SPECC1: variants seen among roughly 807,000 people sequenced by gnomAD.
SPECC1 encodes sperm antigen with calponin homology and coiled-coil domains 1.
Under a neutral mutation model 104.1 loss-of-function variants are expected in SPECC1, and 62 were observed. That is an observed-to-expected ratio of 0.60 (90% confidence interval 0.49 to 0.74). The LOEUF (loss-of-function observed/expected upper bound fraction) is 0.74. SPECC1 is among the 30% of genes least tolerant of loss of function. The pLI is 0.00. For missense variants in SPECC1, 1,306 were observed against 1,310.5 expected (o/e 1.00, Z 0.05); for synonymous variants, 513 against 501.6 (o/e 1.02, Z -0.30).
Position 20,205,879 on chromosome 17 carries a change from T to C in SPECC1, c.1830T>C (p.Gly610=). The part of the protein sequence containing the change: ...ELRQELLKAN[G]EIKHVSSLLA... The stretch of plus-strand genomic sequence containing the variant: ...GACAAGAATTACTAAAGGCAAACGG[T>C]GAAATTAAACATGTTTCCAGTCTGC... Residue 610 remains glycine, a synonymous_variant, in exon 4 of 15, where the codon GGT becomes GGC. Coordinates refer to ENST00000395527, the MANE Select transcript of SPECC1 (RefSeq NM_001243439.2). The C allele has an allele frequency of 2.5e-6, 4 of 1,612,896 alleles. No homozygotes were observed. Among genetic ancestry groups the C allele is most frequent in the Non-Finnish European group, 3.4e-6 (4 of 1,179,836 alleles).
intron 3 of SPECC1, among the ~76,000 whole-genome samples, chr17:20,140,958 T>C (rs1186033369): frequency 6.6e-6 from 1 of 152,202 alleles, no homozygotes; most frequent in African/African-American, 2.4e-5. Context: ...CGTTGGTGCC[T>C]TGACTGTGAC....
intron 3 of SPECC1, among the ~76,000 whole-genome samples, chr17:20,130,888 G>T (rs1000668008): frequency 3.3e-5 from 5 of 151,992 alleles, no homozygotes; most frequent in African/African-American, 1.2e-4. Flanking sequence ...TTAGATCTTT[G>T]ATTTCTTTCA....
chr17:20,251,391 ATACT>A (rs577912356), intron 9 of SPECC1, among the ~76,000 whole-genome samples: 242 of 152,316 alleles, frequency 1.6e-3, no homozygotes, highest in African/African-American at 5.5e-3. Flanking sequence ...AGCAAACATC[ATACT>A]TAATGGTGAA....
chr17:20,080,719 T>G (rs1672293456), intron 1 of SPECC1, among the ~76,000 whole-genome samples: 1 of 152,088 alleles, frequency 6.6e-6, no homozygotes, highest in African/African-American at 2.4e-5. Context: ...GAAGTCCTCC[T>G]GGCTTCACCT....
intron 3 of SPECC1, among the ~76,000 whole-genome samples, chr17:20,157,785 T>C (rs2032736922): frequency 6.6e-6 from 1 of 152,196 alleles, no homozygotes; most frequent in Non-Finnish European, 1.5e-5. Flanking sequence ...AGAATGCATA[T>C]CATTTCAGAA....
chr17:20,047,605 CTT>C (rs201604364), intron 1 of SPECC1, among the ~76,000 whole-genome samples: 3 of 149,896 alleles, frequency 2.0e-5, no homozygotes, highest in Non-Finnish European at 4.5e-5. Flanking sequence ...TCGTATCTAA[CTT>C]TTTTTTTTGA....
At chr17:20,077,696 ACCTC>A (rs1385784980) in intron 1 of SPECC1, among the ~76,000 whole-genome samples, 1 of 152,014 alleles carries the variant, frequency 6.6e-6, no homozygotes, top group Non-Finnish European at 1.5e-5. Flanking sequence ...CGGACTCCTG[ACCTC>A]AGGTGATGCA....
In SPECC1 at chr17:20,193,949, G is replaced by A. The variant is rs1428715635; in HGVS notation, c.284-10384G>A. On this transcript the variant is annotated intron_variant, in intron 3 of 14. Transcript: ENST00000395527. ...GGAATAAGCAGGTGTAGACTAAATT[G>A]CAGAAACAAACTGAAAAACAGATGA... Among the ~76,000 whole-genome samples, 11 of 152,170 alleles carry A rather than the reference G, an allele frequency of 7.2e-5. No individual in the cohort carries two copies. The East Asian group carries it at 2.1e-3, about 29-fold the overall frequency.
At chr17:20,059,210 A>G (rs2046088574) in intron 1 of SPECC1, among the ~76,000 whole-genome samples, 1 of 152,008 alleles carries the variant, frequency 6.6e-6, no homozygotes. Flanking sequence ...TCACTGTAAT[A>G]TAGAATCAAT....
intron 1 of SPECC1, among the ~76,000 whole-genome samples, chr17:20,042,938 C>A (rs2045391847): frequency 1.3e-5 from 2 of 152,136 alleles, no homozygotes; most frequent in Admixed American, 6.5e-5. Flanking sequence ...GTTTTTATTA[C>A]CACTTACTGG....
intron 4 of SPECC1, among the ~76,000 whole-genome samples, chr17:20,225,160 A>C (rs2038123645): frequency 6.6e-6 from 1 of 152,190 alleles, no homozygotes; most frequent in Admixed American, 6.5e-5. Context: ...GCTGGTATCC[A>C]AGTTGCAAGA....
At chr17:20,048,628 C>T (rs1011417050) in intron 1 of SPECC1, among the ~76,000 whole-genome samples, 1 of 152,034 alleles carries the variant, frequency 6.6e-6, no homozygotes, top group African/African-American at 2.4e-5. Flanking sequence ...TTCCCAGGGC[C>T]AGGCGCGGTG....
chr17:20,264,076 A>G (rs1016882660), intron 12 of SPECC1, among the ~76,000 whole-genome samples: 2 of 152,314 alleles, frequency 1.3e-5, no homozygotes, highest in African/African-American at 4.8e-5. Context: ...TGTCTGAGAC[A>G]CCTCATAGTC....
At chr17:20,096,897 G>A in intron 2 of SPECC1, 99 bp downstream of exon 2, 1 of 1,443,542 alleles carries the variant, frequency 6.9e-7, no homozygotes, top group South Asian at 1.3e-5. Context: ...TCTCGGGGCA[G>A]GGAAGGAGGC....
chr17:20,152,407 A>T (rs1449216036), intron 3 of SPECC1, among the ~76,000 whole-genome samples: 2 of 152,238 alleles, frequency 1.3e-5, no homozygotes, highest in African/African-American at 4.8e-5. Context: ...AAGGGGGGTG[A>T]TAACAGAGCA....
At chr17:20,235,501 A>G (rs2038857326) in intron 7 of SPECC1, among the ~76,000 whole-genome samples, 1 of 152,198 alleles carries the variant, frequency 6.6e-6, no homozygotes, top group Admixed American at 6.5e-5. Context: ...GGACCTGGCA[A>G]AAACAGAAAA....
chr17:20,048,385 G>A lies in SPECC1; in HGVS notation c.-22+38961G>A, dbSNP rs527973916. On this transcript the variant is annotated intron_variant, in intron 1 of 14. Transcript: ENST00000395527. ...CCTGACCTCGTGATCTGTCCGCCTC[G>A]GCCTCCCAAAGTGCTGGGATTACAG... is the stretch of plus-strand genomic sequence containing the variant. Among the ~76,000 whole-genome samples, 23 of 151,842 alleles carry A rather than the reference G, an allele frequency of 1.5e-4. No individual in the cohort carries two copies. The East Asian group carries it at 2.7e-3, about 18-fold the overall frequency.
intron 3 of SPECC1, among the ~76,000 whole-genome samples, chr17:20,149,746 A>C (rs937264352): frequency 6.6e-6 from 1 of 152,198 alleles, no homozygotes; most frequent in Non-Finnish European, 1.5e-5. Context: ...ACTTGGGGAC[A>C]CAGGTTTAAA....
At chr17:20,289,191 G>A (rs1277131226) in intron 12 of SPECC1, among the ~76,000 whole-genome samples, 2 of 152,284 alleles carry the variant, frequency 1.3e-5, no homozygotes, top group Non-Finnish European at 2.9e-5. Context: ...TCACTATCAC[G>A]AGAATAGCAT....
Sources: gnomAD v4.1 joint callset for allele counts (sites outside exome capture counted in the v4.1 genomes callset) on GRCh38, gnomAD v4.1.1 for gene constraint, MANE v1.5 for transcripts, NCBI Gene and HGNC (gene_info 2026-07-23, HGNC 2026-07-21) for gene names.